DACH2: variants seen among roughly 807,000 people sequenced by gnomAD.
DACH2 encodes dachshund family transcription factor 2.
A neutral mutation model predicts 35.8 loss-of-function variants in DACH2; 17 were observed. The ratio of observed to expected loss-of-function variants is 0.48; its 90% CI spans 0.33 to 0.71. DACH2 has a LOEUF of 0.71. Among genes scored for constraint, DACH2 ranks in the 30% least tolerant of loss-of-function variants. The pLI is 0.02. For missense variants in DACH2, 469 were observed against 472.7 expected, an observed-to-expected ratio of 0.99 and a Z score of 0.07; for synonymous variants, 195 against 177.3, an observed-to-expected ratio of 1.10 and a Z score of -0.79.
At chrX:86,198,854 C>A (rs2032066016) in intron 1 of DACH2, among the ~76,000 whole-genome samples, 1 of 110,781 alleles carries the variant, frequency 9.0e-6, no homozygotes, top group Non-Finnish European at 1.9e-5. Context: ...GAGCTGGTAC[C>A]ACTTCTACAG....
intron 3 of DACH2, among the ~76,000 whole-genome samples, chrX:86,626,551 G>A (rs931481456): frequency 8.9e-6 from 1 of 112,940 alleles, no homozygotes; most frequent in African/African-American, 3.2e-5. Context: ...CTTCTGCACT[G>A]CCCTAGTAGT....
At chrX:86,230,742 C>G (rs953522654) in intron 1 of DACH2, among the ~76,000 whole-genome samples, 14 of 111,392 alleles carry the variant, frequency 1.3e-4, no homozygotes, top group African/African-American at 4.6e-4. Context: ...AATTTATCCA[C>G]CTCTTCTAGG....
At position 86,660,528 on chromosome X, in the gene DACH2, C is replaced by G. The variant is rs753148674; in HGVS notation, c.772+9361C>G. Among the ~76,000 whole-genome samples the G allele has an allele frequency of 2.7e-5, 3 of 111,824 alleles. No homozygotes were observed. The South Asian group carries it at 1.1e-3, about 41-fold the overall frequency. ...AGAATTTTATTTTATTTTCTACAAC[C>G]TTTGAGGATACTATTGTCATATCTA... On this transcript the variant is annotated intron_variant, in intron 4 of 11. Transcript: ENST00000373125.
rs530263254 is a variant in DACH2, at chrX:86,174,122, T to G, written c.488+25014T>G. Among the ~76,000 whole-genome samples, 27 of 53,056 alleles carry G rather than the reference T, an allele frequency of 5.1e-4. No homozygotes were observed. In the South Asian group the frequency reaches 0.018, roughly 34 times the overall value. 46.1% of individuals were successfully genotyped at this position (53,056 alleles called of 115,157 possible). ...GGCAGAGTTCAAGAGTACAGTTGTTTTTTTTTTTTTTTTTTTTTGAGACAG... is the reference window on the plus strand; with the variant it reads ...GGCAGAGTTCAAGAGTACAGTTGTTGTTTTTTTTTTTTTTTTTTGAGACAG... On this transcript the variant is annotated intron_variant, in intron 1 of 11. Transcript: ENST00000373125.
chrX:86,600,830 C>A (rs1181360202), intron 3 of DACH2, among the ~76,000 whole-genome samples: 1 of 111,268 alleles, frequency 9.0e-6, no homozygotes. Flanking sequence ...AGTTACCCCA[C>A]TATATCGTGC....
At chrX:86,449,287 C>T (rs2037322724) in intron 2 of DACH2, among the ~76,000 whole-genome samples, 1 of 81,744 alleles carries the variant, frequency 1.2e-5, no homozygotes, top group South Asian at 7.5e-4. Context: ...TTTTTTGTGT[C>T]TCTATTTCCT....
At chrX:86,257,231 C>T (rs7065332) in intron 1 of DACH2, among the ~76,000 whole-genome samples, 7,807 of 111,095 alleles carry the variant, frequency 0.07, 695 homozygotes, top group African/African-American at 0.24. Context: ...CTTTTGTCAT[C>T]GTATTTAACA....
At chrX:86,500,047 G>A (rs2038228286) in intron 2 of DACH2, among the ~76,000 whole-genome samples, 1 of 111,532 alleles carries the variant, frequency 9.0e-6, no homozygotes, top group Non-Finnish European at 1.9e-5. Context: ...TCACATCATT[G>A]TTTTCAGAGC....
At position 86,706,281 on chromosome X, in the gene DACH2, A is replaced by T. The variant is rs1007629914; in HGVS notation, c.932-8267A>T. On this transcript the variant is annotated intron_variant, in intron 5 of 11. Coordinates refer to ENST00000373125, the MANE Select transcript of DACH2 (RefSeq NM_053281.3). ...ATAACAAGAAAAAGTAATTTTAAAAAGAATGTATTGGATGATTATACCTTG... is the reference window on the plus strand; with the variant it reads ...ATAACAAGAAAAAGTAATTTTAAAATGAATGTATTGGATGATTATACCTTG... Among the ~76,000 whole-genome samples the T allele has an allele frequency of 5.4e-5, 6 of 111,619 alleles. 1 individual carries two copies. In the Middle Eastern group the frequency reaches 0.014, roughly 260 times the overall value.
chrX:86,541,167 C>A (rs1288356022), intron 3 of DACH2, among the ~76,000 whole-genome samples: 1 of 112,016 alleles, frequency 8.9e-6, no homozygotes, highest in Non-Finnish European at 1.9e-5. Flanking sequence ...ATATCAGGTT[C>A]TCATTTCTAT....
intron 4 of DACH2, among the ~76,000 whole-genome samples, chrX:86,671,842 A>G (rs1287270688): frequency 8.9e-6 from 1 of 111,832 alleles, no homozygotes; most frequent in Non-Finnish European, 1.9e-5. Flanking sequence ...AGGTTAGAAC[A>G]GTTGCGAGGG....
intron 6 of DACH2, among the ~76,000 whole-genome samples, chrX:86,718,837 G>A (rs1177972027): frequency 2.7e-5 from 3 of 111,472 alleles, no homozygotes; most frequent in Non-Finnish European, 3.8e-5. Flanking sequence ...CTTGATCTAT[G>A]TGTCTATTTT....
intron 2 of DACH2, among the ~76,000 whole-genome samples, chrX:86,398,955 T>C (rs1275520573): frequency 1.8e-5 from 2 of 111,665 alleles, no homozygotes; most frequent in Non-Finnish European, 3.8e-5. Flanking sequence ...ACTTTCTGTC[T>C]CATTGATCTG....
chrX:86,208,689 A>G (rs748353408), intron 1 of DACH2, among the ~76,000 whole-genome samples: 1 of 111,587 alleles, frequency 9.0e-6, no homozygotes, highest in African/African-American at 3.2e-5. Context: ...CATGGACTCA[A>G]AGGAACTCAC....
chrX:86,764,185 A>G (rs764792562), intron 7 of DACH2, among the ~76,000 whole-genome samples: 1 of 112,514 alleles, frequency 8.9e-6, no homozygotes, highest in South Asian at 3.6e-4. Flanking sequence ...ACATCATCCA[A>G]GAATAAGATT....
At chrX:86,442,244 A>C (rs1192760543) in intron 2 of DACH2, among the ~76,000 whole-genome samples, 4 of 108,987 alleles carry the variant, frequency 3.7e-5, no homozygotes, top group African/African-American at 1.3e-4. Context: ...ATTTCCATTT[A>C]CATTGTGGTG....
At chrX:86,173,211 T>C (rs775067513) in intron 1 of DACH2, among the ~76,000 whole-genome samples, 7 of 112,125 alleles carry the variant, frequency 6.2e-5, no homozygotes, top group African/African-American at 2.3e-4. Flanking sequence ...GGCACTCTTC[T>C]AGGTGCTTGG....
chrX:86,415,632 A>G (rs1177936181), intron 2 of DACH2, among the ~76,000 whole-genome samples: 1 of 111,134 alleles, frequency 9.0e-6, no homozygotes, highest in Non-Finnish European at 1.9e-5. Flanking sequence ...CTGCAATTCA[A>G]TTTGCTGAAT....
chrX:86,260,027 C>G (rs999468400), intron 1 of DACH2, among the ~76,000 whole-genome samples: 1 of 110,850 alleles, frequency 9.0e-6, no homozygotes, highest in Non-Finnish European at 1.9e-5. Flanking sequence ...GAAAACCTCT[C>G]AAGTTTGTAG....
Sources: gnomAD v4.1 joint callset for allele counts (sites outside exome capture counted in the v4.1 genomes callset) on GRCh38, gnomAD v4.1.1 for gene constraint, MANE v1.5 for transcripts, NCBI Gene and HGNC (gene_info 2026-07-23, HGNC 2026-07-21) for gene names.